Variants in ARHGEF12 observed in about 807,000 individuals in gnomAD.
ARHGEF12 encodes the protein KMT2A/ARHGEF12 fusion protein.
Under a neutral mutation model 211.2 loss-of-function variants are expected in ARHGEF12, and 66 were observed. The ratio of observed to expected loss-of-function variants is 0.31; its 90% CI spans 0.26 to 0.38. The LOEUF (loss-of-function observed/expected upper bound fraction) is 0.38. ARHGEF12 is among the 10% of genes least tolerant of loss of function. The pLI is 1.00. For synonymous variants in ARHGEF12, 592 were observed against 638.4 expected (o/e 0.93, Z 1.09); for missense variants, 1,429 against 1,869.5 (o/e 0.76, Z 4.34).
At chr11:120,483,428 T>A (rs1015491175) in intron 39 of ARHGEF12, among the ~76,000 whole-genome samples, 4 of 95,254 alleles carry the variant, frequency 4.2e-5, no homozygotes, top group Admixed American at 2.0e-4. Context: ...CCCAGATAAA[T>A]TTTTTTTTTT....
At chr11:120,391,074 C>T (rs1217707061) in intron 1 of ARHGEF12, among the ~76,000 whole-genome samples, 1 of 152,110 alleles carries the variant, frequency 6.6e-6, no homozygotes, top group African/African-American at 2.4e-5. Flanking sequence ...TATCACCTAG[C>T]ACAATTTCTG....
chr11:120,456,516 T>A (rs1458537513), intron 22 of ARHGEF12, among the ~76,000 whole-genome samples: 1 of 152,080 alleles, frequency 6.6e-6, no homozygotes, highest in Non-Finnish European at 1.5e-5. Context: ...AGATAATAAA[T>A]CATGAAAAAG....
At chr11:120,337,324 C>T in intron 1 of ARHGEF12, 49 bp downstream of exon 1, 2 of 1,612,726 alleles carry the variant, frequency 1.2e-6, no homozygotes, top group South Asian at 1.1e-5. Flanking sequence ...CGGGCCCGAC[C>T]TAGCAGGGGA....
At chr11:120,414,975 C>A (rs918756507) in intron 4 of ARHGEF12, among the ~76,000 whole-genome samples, 5 of 152,144 alleles carry the variant, frequency 3.3e-5, no homozygotes, top group Admixed American at 2.6e-4. Context: ...TGTGTCTATG[C>A]AAAGTGCTGG....
At chr11:120,480,683 A>T (rs1379774969) in intron 38 of ARHGEF12, among the ~76,000 whole-genome samples, 1 of 152,156 alleles carries the variant, frequency 6.6e-6, no homozygotes, top group Non-Finnish European at 1.5e-5. Flanking sequence ...GGAAAGAAGG[A>T]TGGTAAATAA....
At position 120,445,149 on chromosome 11, in the gene ARHGEF12, A is replaced by G. The variant is rs12420409; in HGVS notation, c.1303-273A>G. ...AGGAAGCCAAAGCCAAAGCCAGTAT[A>G]TTCATTAAGTGTGTCACAGAAGCAT... is the stretch of plus-strand genomic sequence containing the variant. On this transcript the variant is annotated intron_variant, in intron 15 of 40. Transcript: ENST00000397843. Among the ~76,000 whole-genome samples the G allele has an allele frequency of 2.7e-3, 413 of 152,266 alleles. 7 individuals are homozygous for G. Among genetic ancestry groups the G allele is most frequent in the Admixed American group, 0.02 (306 of 15,306 alleles).
chr11:120,473,259 A>AT (rs983909898), intron 31 of ARHGEF12, 132 bp downstream of exon 31: 189 of 785,788 alleles, frequency 2.4e-4, no homozygotes, highest in Non-Finnish European at 2.9e-4. Context: ...TGTATTTATG[A>AT]TTTTTTTTGC....
At chr11:120,469,513 C>T (rs766016807) in intron 30 of ARHGEF12, 125 bp downstream of exon 30, 12 of 815,856 alleles carry the variant, frequency 1.5e-5, no homozygotes, top group Non-Finnish European at 2.3e-5. Flanking sequence ...CATTTGTTTA[C>T]TGTTCGCATA....
At chr11:120,371,260 G>A (rs1268134735) in intron 1 of ARHGEF12, among the ~76,000 whole-genome samples, 1 of 152,162 alleles carries the variant, frequency 6.6e-6, no homozygotes, top group Non-Finnish European at 1.5e-5. Flanking sequence ...AGGCCGAGGC[G>A]GGCGGATCAC....
At chr11:120,427,037 C>T (rs972105650) in intron 7 of ARHGEF12, among the ~76,000 whole-genome samples, 8 of 152,026 alleles carry the variant, frequency 5.3e-5, no homozygotes, top group Middle Eastern at 3.4e-3. Context: ...CCACCACGCC[C>T]GGCTAATTTT....
At chr11:120,339,200 G>GT (rs1425785335) in intron 1 of ARHGEF12, among the ~76,000 whole-genome samples, 1 of 151,264 alleles carries the variant, frequency 6.6e-6, no homozygotes, top group African/African-American at 2.4e-5. Flanking sequence ...GCTGAGACCT[G>GT]TTTCGTAGGA....
chr11:120,439,853 G>A (rs1366790743), intron 12 of ARHGEF12: 2 of 333,586 alleles, frequency 6.0e-6, no homozygotes, highest in Admixed American at 4.6e-5. Flanking sequence ...AGATAACCAA[G>A]TGTATAGTGA....
At chr11:120,450,804 C>A (rs1351375093) in intron 21 of ARHGEF12, 2 of 152,226 alleles carry the variant, frequency 1.3e-5, no homozygotes, top group Non-Finnish European at 2.9e-5. Context: ...TTACTAAGAA[C>A]TCACAAAAAT....
rs12291269 is a variant in ARHGEF12 at position 120,382,128 on chromosome 11, A to G, written c.33-23990A>G. Among the ~76,000 whole-genome samples, 926 of 152,314 alleles carry G rather than the reference A, an allele frequency of 6.1e-3. 9 individuals are homozygous for G. Among genetic ancestry groups the G allele is most frequent in the African/African-American group, 0.022 (903 of 41,568 alleles). On this transcript the variant is annotated intron_variant, in intron 1 of 40. Transcript: ENST00000397843. ...GTTACTTTCAGTTTTTGGCATTAGG[A>G]GTAAAGCTGCTGTAAATGTCCATGG... is the stretch of plus-strand genomic sequence containing the variant.
intron 21 of ARHGEF12, chr11:120,450,508 G>C (rs1181466555): frequency 6.6e-6 from 1 of 151,988 alleles, no homozygotes; most frequent in Non-Finnish European, 1.5e-5. Context: ...TTGAGAAGGT[G>C]TGAAATTTTT....
At chr11:120,413,156 T>C (rs1944936791) in intron 4 of ARHGEF12, among the ~76,000 whole-genome samples, 1 of 152,230 alleles carries the variant, frequency 6.6e-6, no homozygotes. Flanking sequence ...TATTCTACTC[T>C]GATTCTCCTT....
At chr11:120,433,139 A>G (rs1419542647) in intron 11 of ARHGEF12, among the ~76,000 whole-genome samples, 1 of 152,228 alleles carries the variant, frequency 6.6e-6, no homozygotes, top group African/African-American at 2.4e-5. Flanking sequence ...TACAAAAGAA[A>G]AAATTGAGGC....
At chr11:120,427,258 C>A (rs549979305) in intron 7 of ARHGEF12, among the ~76,000 whole-genome samples, 2 of 152,208 alleles carry the variant, frequency 1.3e-5, no homozygotes, top group South Asian at 4.1e-4. Context: ...CAAATATTTT[C>A]TACTAAAATT....
At chr11:120,428,016 CT>C in intron 7 of ARHGEF12, 52 bp from the exon 8 acceptor site, 1 of 1,445,664 alleles carries the variant, frequency 6.9e-7, no homozygotes, top group South Asian at 1.6e-5. Context: ...TAAAAAGTTT[CT>C]TGACAATGTT....
Sources: gnomAD v4.1 joint callset for allele counts (sites outside exome capture counted in the v4.1 genomes callset) on GRCh38, gnomAD v4.1.1 for gene constraint, MANE v1.5 for transcripts, NCBI Gene and HGNC (gene_info 2026-07-23, HGNC 2026-07-21) for gene names.